Variants in CCNY observed in about 807,000 individuals in gnomAD.
CCNY encodes cyclin Y.
A neutral mutation model predicts 42.8 loss-of-function variants in CCNY; 19 were observed. The ratio of observed to expected loss-of-function variants is 0.44; its 90% confidence interval spans 0.31 to 0.65. CCNY has a LOEUF of 0.65. Among genes scored for constraint, CCNY ranks in the 30% least tolerant of loss-of-function variants. The pLI, the probability that CCNY is intolerant of heterozygous loss-of-function variation, is 0.07. For missense variants in CCNY, 370 were observed against 437.3 expected, an observed-to-expected ratio of 0.85 and a Z score of 1.37; for synonymous variants, 165 against 162.7, an observed-to-expected ratio of 1.01 and a Z score of -0.11.
intron 5 of CCNY, among the ~76,000 whole-genome samples, chr10:35,526,201 C>T (rs918687560): frequency 2.0e-5 from 3 of 152,198 alleles, no homozygotes; most frequent in Admixed American, 6.5e-5. Flanking sequence ...ACCAAATGAG[C>T]GTGGTTGAAA....
chr10:35,303,915 CAA>C (rs1384148724), intron 3 of CCNY, among the ~76,000 whole-genome samples: 2 of 151,028 alleles, frequency 1.3e-5, no homozygotes, highest in African/African-American at 2.4e-5. Context: ...AAAAGACAAA[CAA>C]GAGCACAGAT....
At position 35,557,229 on chromosome 10, in the gene CCNY, A is replaced by G. The variant is rs1291664731; in HGVS notation, c.746+4044A>G. Among the ~76,000 whole-genome samples, 7 of 151,892 alleles carry G rather than the reference A, an allele frequency of 4.6e-5. No individual in the cohort carries two copies. In the East Asian group the frequency reaches 1.3e-3, roughly 29 times the overall value. On this transcript the variant is annotated intron_variant, in intron 8 of 9. Transcript: ENST00000374704. ...ACTGAATATACCAGAGTAATATGAA[A>G]CTCACAGTTACCCATTTTCTTAGAG... is the stretch of plus-strand genomic sequence containing the variant.
intron 1 of CCNY, among the ~76,000 whole-genome samples, chr10:35,433,727 T>A (rs947388385): frequency 1.3e-5 from 2 of 152,182 alleles, no homozygotes; most frequent in Admixed American, 1.3e-4. Flanking sequence ...TTCTCCTGCC[T>A]CAGCCTCCCC....
At chr10:35,361,167 G>T (rs928074189) in intron 1 of CCNY, among the ~76,000 whole-genome samples, 1 of 152,124 alleles carries the variant, frequency 6.6e-6, no homozygotes, top group African/African-American at 2.4e-5. Context: ...CATAATGCAG[G>T]TATTTATTCA....
chr10:35,262,769 G>A lies in CCNY; in HGVS notation c.-9+12143G>A, dbSNP rs2095721031. Among the ~76,000 whole-genome samples the A allele has an allele frequency of 2.6e-5, 4 of 152,130 alleles. No homozygotes were observed. In the South Asian group the frequency reaches 6.2e-4, roughly 24 times the overall value. ...GACTTTCCTTTAGATTCTCTAGAAA[G>A]CATCTTGAAGAAACATTATACTGAC... On this transcript the variant is annotated intron_variant, in intron 3 of 11. Transcript: ENST00000374706.
At chr10:35,549,298 T>TG (rs1589198447) in intron 7 of CCNY, among the ~76,000 whole-genome samples, 1 of 152,042 alleles carries the variant, frequency 6.6e-6, no homozygotes, top group South Asian at 2.1e-4. Context: ...GGATGAGGGG[T>TG]GGGGGGTTCT....
intron 1 of CCNY, among the ~76,000 whole-genome samples, chr10:35,362,753 C>T (rs929168831): frequency 6.7e-6 from 1 of 149,394 alleles, no homozygotes; most frequent in Non-Finnish European, 1.5e-5. Flanking sequence ...TGCGGCCAGG[C>T]AGAGGCGCTC....
At position 35,449,524 on chromosome 10, in the gene CCNY, T is replaced by TA. The variant is rs75217775; in HGVS notation, c.155-33879dup. On this transcript the variant is annotated intron_variant, in intron 1 of 9. Coordinates refer to ENST00000374704, the MANE Select transcript of CCNY (RefSeq NM_145012.6). Reference sequence around the variant, plus strand: ...CCTGGCTGAACAGGAAGCAAAGAAATAGAGGGAAGGCTGCAGAGGGGGAGG... The same window carrying TA: ...CCTGGCTGAACAGGAAGCAAAGAAATAAGAGGGAAGGCTGCAGAGGGGGAGG... 1.7e-4 allele frequency among the ~76,000 whole-genome samples: 26 copies of TA among 151,094 alleles called. No homozygotes were observed. In the East Asian group the frequency reaches 3.0e-3, roughly 17 times the overall value.
intron 3 of CCNY, among the ~76,000 whole-genome samples, chr10:35,328,944 G>A (rs575519671): frequency 6.6e-6 from 1 of 152,286 alleles, no homozygotes; most frequent in East Asian, 1.9e-4. Flanking sequence ...TTGGAGAAAT[G>A]CAAGTAAAAC....
At chr10:35,480,382 C>T (rs1414754550) in intron 1 of CCNY, among the ~76,000 whole-genome samples, 1 of 152,142 alleles carries the variant, frequency 6.6e-6, no homozygotes. Context: ...CGCCTTTCCT[C>T]GCTGCAGCCC....
At chr10:35,328,479 G>C (rs1276306463) in intron 3 of CCNY, among the ~76,000 whole-genome samples, 1 of 152,110 alleles carries the variant, frequency 6.6e-6, no homozygotes, top group East Asian at 1.9e-4. Context: ...CATATACTTT[G>C]CCAAGGTAAA....
chr10:35,409,706 A>C lies in CCNY; in HGVS notation c.154+72499A>C, dbSNP rs1241630774. ...AGCTTGCGTTAAAACAAAAATAAGTAAAAATGTAAAGATTTCCTGCCCCTA... is the reference window on the plus strand; with the variant it reads ...AGCTTGCGTTAAAACAAAAATAAGTCAAAATGTAAAGATTTCCTGCCCCTA... On this transcript the variant is annotated intron_variant, in intron 1 of 9. Transcript: ENST00000374704. Among the ~76,000 whole-genome samples the C allele has an allele frequency of 2.0e-5, 3 of 152,224 alleles. No individual in the cohort carries two copies. The East Asian group carries it at 5.8e-4, about 29-fold the overall frequency.
intron 1 of CCNY, among the ~76,000 whole-genome samples, chr10:35,344,200 A>G (rs1836248901): frequency 6.6e-6 from 1 of 152,024 alleles, no homozygotes; most frequent in Non-Finnish European, 1.5e-5. Context: ...GGCTCAAGGA[A>G]GGTAAAGTCA....
chr10:35,394,109 T>C (rs1199666022), intron 1 of CCNY, among the ~76,000 whole-genome samples: 9 of 152,186 alleles, frequency 5.9e-5, no homozygotes, highest in African/African-American at 1.9e-4. Flanking sequence ...TTTCCCCTCC[T>C]GTAACGACTG....
chr10:35,458,654 A>G (rs1044845793), intron 1 of CCNY, among the ~76,000 whole-genome samples: 12 of 152,210 alleles, frequency 7.9e-5, no homozygotes, highest in Admixed American at 6.5e-4. Context: ...CAAAATAAGT[A>G]CTGTAATCTT....
intron 1 of CCNY, among the ~76,000 whole-genome samples, chr10:35,437,148 C>G (rs3013367): frequency 6.6e-6 from 1 of 152,154 alleles, no homozygotes; most frequent in Non-Finnish European, 1.5e-5. Flanking sequence ...CCCGGCCCCA[C>G]CATTGACACA....
At chr10:35,486,415 C>T (rs1489976127) in intron 2 of CCNY, among the ~76,000 whole-genome samples, 1 of 152,210 alleles carries the variant, frequency 6.6e-6, no homozygotes, top group Non-Finnish European at 1.5e-5. Context: ...ACCTCTTACC[C>T]AGCCTTGAAC....
chr10:35,291,601 G>T (rs760987866), intron 3 of CCNY, among the ~76,000 whole-genome samples: 2 of 140,208 alleles, frequency 1.4e-5, no homozygotes, highest in African/African-American at 5.4e-5. Flanking sequence ...GCACGATCTC[G>T]CTCACTGCTA....
At chr10:35,490,957 C>A (rs1449326272) in intron 2 of CCNY, among the ~76,000 whole-genome samples, 1 of 152,206 alleles carries the variant, frequency 6.6e-6, no homozygotes, top group Non-Finnish European at 1.5e-5. Context: ...TCTAGTCTAG[C>A]CCTAAGTTAC....
Sources: allele counts gnomAD v4.1 joint callset (sites outside exome capture counted in the v4.1 genomes callset), GRCh38; gene constraint gnomAD v4.1.1; transcripts MANE v1.5; gene names NCBI Gene and HGNC (gene_info 2026-07-23, HGNC 2026-07-21).